The following UBE3C variants were observed in gnomAD, a reference collection of about 807,000 sequenced individuals.
The protein encoded by UBE3C is ubiquitin-protein ligase E3C.
In UBE3C, 42 loss-of-function variants were observed where a neutral mutation model predicts 129.4. That is an observed-to-expected ratio of 0.32 (90% CI 0.25 to 0.42). UBE3C has a LOEUF of 0.42. UBE3C is among the 10% of genes least tolerant of loss of function. The pLI is 1.00. For missense variants in UBE3C, 1,049 were observed against 1,319.1 expected (o/e 0.80, Z 3.17); for synonymous variants, 510 against 492.4 (o/e 1.04, Z -0.47).
chr7:157,153,881 T>TA lies in UBE3C; in HGVS notation c.67-9928dup, dbSNP rs558006826. ...TGGTATATGTACCTGTGGTTTCAGT[T>TA]ACTCGGGAGGCTGAGGTGGGAGGAC... is the stretch of plus-strand genomic sequence containing the variant. On this transcript the variant is annotated intron_variant, in intron 1 of 22. Coordinates refer to ENST00000348165, the MANE Select transcript of UBE3C (RefSeq NM_014671.3). Among the ~76,000 whole-genome samples the TA allele has an allele frequency of 2.7e-3, 404 of 152,016 alleles. 4 individuals are homozygous for TA. Among genetic ancestry groups the TA allele is most frequent in the African/African-American group, 9.5e-3 (395 of 41,448 alleles).
Position 157,183,988 on chromosome 7 carries a change from T to A in UBE3C, c.1102T>A (p.Ser368Thr). 6.2e-7 allele frequency: 1 copy of A among 1,614,168 alleles called. No individual in the cohort carries two copies. Among genetic ancestry groups the A allele is most frequent in the Non-Finnish European group, 8.5e-7 (1 of 1,180,024 alleles). ...GAGCTGTCACGACTCAGCCAGTGAC[T>A]CTGAGGAGGAGAGTGAAGAAGCCGA... is the stretch of plus-strand genomic sequence containing the variant. ...SASCHDSASDSEEESEEADKP... is the reference protein window; with the variant it reads ...SASCHDSASDTEEESEEADKP... The change falls in exon 9 of 23, where the codon TCT (serine) becomes ACT (threonine). Residue 368 changes from serine to threonine, a missense_variant. Around this residue, in one of 4 missense-constraint regions of UBE3C, gnomAD observed 489 missense variants for 513.8 expected, o/e 0.95. Transcript: ENST00000348165.
intron 5 of UBE3C, 87 bp from the exon 6 acceptor site, chr7:157,178,603 T>G: frequency 7.2e-7 from 1 of 1,393,656 alleles, no homozygotes; most frequent in Non-Finnish European, 9.8e-7. Flanking sequence ...GAATAGTTTC[T>G]TAACCATTGT....
At chr7:157,166,732 CAAAAA>C (rs35054342) in intron 2 of UBE3C, among the ~76,000 whole-genome samples, 2 of 113,634 alleles carry the variant, frequency 1.8e-5, no homozygotes, top group African/African-American at 5.8e-5. Context: ...AACTCCGTCT[CAAAAA>C]AAAAAAAAAA....
intron 10 of UBE3C, among the ~76,000 whole-genome samples, chr7:157,194,789 T>C (rs776074017): frequency 2.6e-5 from 4 of 152,194 alleles, no homozygotes; most frequent in Non-Finnish European, 5.9e-5. Context: ...TAAGCTGAAT[T>C]GTGTCCTGCA....
rs1286019129 is a variant in UBE3C, at chr7:157,198,302, C to T, written c.1332-3419C>T. The T allele has an allele frequency of 3.5e-6, 3 of 859,944 alleles. No homozygotes were observed. In the African/African-American group the frequency reaches 5.0e-5, roughly 14 times the overall value. The allele number at this position is 859,944 out of a possible 1,614,324, so 53.3% of individuals were successfully genotyped here. ...GCTCTTGAAGACTGCAGCTTTAGGT[C>T]TGTCAGACTTGGAAGATTTGCGCTT... On this transcript the variant is annotated intron_variant, in intron 10 of 22. Transcript: ENST00000348165.
At chr7:157,141,049 G>A (rs1195595519) in intron 1 of UBE3C, among the ~76,000 whole-genome samples, 2 of 152,178 alleles carry the variant, frequency 1.3e-5, no homozygotes. Context: ...GGCCCTAATT[G>A]CGGCAGAGGG....
intron 22 of UBE3C, among the ~76,000 whole-genome samples, chr7:157,257,808 TTAAAA>T (rs544814955): frequency 5.3e-5 from 8 of 150,334 alleles, no homozygotes; most frequent in Admixed American, 6.6e-5. Flanking sequence ...TCACTGTAAA[TTAAAA>T]TAAAGCCATA....
chr7:157,233,077 A>G (rs1796064508), intron 18 of UBE3C, among the ~76,000 whole-genome samples: 1 of 150,722 alleles, frequency 6.6e-6, no homozygotes, highest in Admixed American at 6.6e-5. Context: ...CTGGCCAACC[A>G]CTAGTCTACT....
chr7:157,230,331 T>C (rs186896752), intron 17 of UBE3C, among the ~76,000 whole-genome samples: 1 of 151,848 alleles, frequency 6.6e-6, no homozygotes, highest in Non-Finnish European at 1.5e-5. Flanking sequence ...CTGAACCACA[T>C]TGGAAGAGGA....
intron 18 of UBE3C, among the ~76,000 whole-genome samples, chr7:157,233,122 T>G (rs1796066238): frequency 6.6e-6 from 1 of 152,152 alleles, no homozygotes; most frequent in African/African-American, 2.4e-5. Flanking sequence ...TTCTAGACAT[T>G]TCATATAAGT....
rs560480159 is a variant in UBE3C at position 157,139,618 on chromosome 7, T to C, written c.66+280T>C. 2.0e-5 allele frequency among the ~76,000 whole-genome samples: 3 copies of C among 152,242 alleles called. No homozygotes were observed. In the East Asian group the frequency reaches 5.8e-4, roughly 29 times the overall value. On this transcript the variant is annotated intron_variant, in intron 1 of 22. Transcript: ENST00000348165. The stretch of plus-strand genomic sequence containing the variant: ...TGGCTGGAACTCGAGGCCGCGCCCG[T>C]GGGGGCCTTGCCTGTCCACTGCGCT...
intron 4 of UBE3C, among the ~76,000 whole-genome samples, chr7:157,174,457 GT>G (rs1403899051): frequency 6.6e-6 from 1 of 151,950 alleles, no homozygotes; most frequent in African/African-American, 2.4e-5. Flanking sequence ...AAATACTTTT[GT>G]TTTTTTGGAG....
chr7:157,247,311 G>A (rs762907276), intron 18 of UBE3C, among the ~76,000 whole-genome samples: 25 of 152,228 alleles, frequency 1.6e-4, no homozygotes, highest in Non-Finnish European at 3.2e-4. Context: ...GATAATTAAT[G>A]TCTAACTGCA....
At chr7:157,208,005 C>G in intron 13 of UBE3C, 70 bp downstream of exon 13, 2 of 910,184 alleles carry the variant, frequency 2.2e-6, no homozygotes, top group Non-Finnish European at 1.4e-6. Context: ...TGACTCGTTG[C>G]AGAGGAATAA....
At chr7:157,241,962 A>AG (rs1796341459) in intron 18 of UBE3C, among the ~76,000 whole-genome samples, 1 of 152,230 alleles carries the variant, frequency 6.6e-6, no homozygotes, top group Non-Finnish European at 1.5e-5. Context: ...AGGAAAATCT[A>AG]GAGACAGAAG....
At chr7:157,230,425 G>C (rs914314316) in intron 17 of UBE3C, among the ~76,000 whole-genome samples, 2 of 151,020 alleles carry the variant, frequency 1.3e-5, no homozygotes, top group African/African-American at 4.9e-5. Context: ...GGCCGGGCAC[G>C]GTGGCTCACG....
At chr7:157,238,960 G>A (rs1439451227) in intron 18 of UBE3C, among the ~76,000 whole-genome samples, 1 of 152,184 alleles carries the variant, frequency 6.6e-6, no homozygotes, top group Non-Finnish European at 1.5e-5. Context: ...ACCAAGTAAG[G>A]TTTAGCACTG....
intron 13 of UBE3C, among the ~76,000 whole-genome samples, chr7:157,209,857 T>A (rs1033777863): frequency 3.9e-5 from 6 of 152,226 alleles, no homozygotes; most frequent in African/African-American, 1.4e-4. Flanking sequence ...AATGACTCCC[T>A]GCCACTTTAT....
chr7:157,243,438 C>G lies in UBE3C; in HGVS notation c.2482-4930C>G, dbSNP rs140471277. ...GTTGCTCTTTTTCTCTGAGTAACAG[C>G]TAGTGGGCTCTGCTCAGTTATCCGT... On this transcript the variant is annotated intron_variant, in intron 18 of 22. Coordinates refer to ENST00000348165, the MANE Select transcript of UBE3C (RefSeq NM_014671.3). Among the ~76,000 whole-genome samples the G allele has an allele frequency of 3.9e-4, 60 of 152,338 alleles. No homozygotes were observed. The East Asian group carries it at 9.5e-3, about 24-fold the overall frequency.
Sources: gnomAD v4.1 joint callset for allele counts (sites outside exome capture counted in the v4.1 genomes callset) on GRCh38, gnomAD v4.1.1 for gene constraint, gnomAD v4.1.1 regional missense constraint, MANE v1.5 for transcripts, NCBI Gene and HGNC (gene_info 2026-07-23, HGNC 2026-07-21) for gene names.